DPH6: variants seen among roughly 807,000 people sequenced by gnomAD.
The protein encoded by DPH6 is diphthamine biosynthesis 6.
DPH6 carries 33 observed loss-of-function variants against 38.2 expected under a neutral mutation model. That is an observed-to-expected ratio of 0.86 (90% CI 0.65 to 1.15). The LOEUF is 1.15. Ranked by LOEUF, DPH6 falls within the 50% of genes most tolerant of loss-of-function variation. The pLI, the probability that DPH6 is intolerant of heterozygous loss-of-function variation, is 0.00. For missense variants in DPH6, 325 were observed against 320.0 expected (o/e 1.02, Z -0.12); for synonymous variants, 108 against 103.0 (o/e 1.05, Z -0.30).
chr15:35,210,862 T>C, the DPH6 span, among the ~76,000 whole-genome samples: 1 of 151,892 alleles, frequency 6.6e-6, no homozygotes, highest in Admixed American at 6.6e-5. Context: ...ATATGTGTCT[T>C]TAAAGTTGAA....
At chr15:35,269,636 C>A (rs1187159484) in intron 3 of DPH6, among the ~76,000 whole-genome samples, 1 of 150,898 alleles carries the variant, frequency 6.6e-6, no homozygotes, top group Non-Finnish European at 1.5e-5. Context: ...GACGGGGTTT[C>A]ACCATGTTAG....
rs570868398 is a variant in DPH6, at chr15:35,524,064, CTG to C, written c.312+14208_312+14209del. Among the ~76,000 whole-genome samples, 467 of 151,718 alleles carry C rather than the reference CTG, an allele frequency of 3.1e-3. 4 individuals carry two copies. Among genetic ancestry groups the C allele is most frequent in the Admixed American group, 8.5e-3 (129 of 15,234 alleles). On this transcript the variant is annotated intron_variant, in intron 3 of 8. Coordinates refer to ENST00000256538, the MANE Select transcript of DPH6 (RefSeq NM_080650.4). ...ATTACCTAAAACAGTGCTTCTCAAA[CTG>C]TGTTATAAACCACTTTTTTTTTTTA...
intron 7 of DPH6, among the ~76,000 whole-genome samples, chr15:35,376,463 C>G (rs1161545715): frequency 6.6e-6 from 1 of 152,142 alleles, no homozygotes; most frequent in Non-Finnish European, 1.5e-5. Flanking sequence ...AAATTCCTAT[C>G]ACCTAGTGAC....
At chr15:35,176,761 G>A in the DPH6 span, among the ~76,000 whole-genome samples, 3 of 152,134 alleles carry the variant, frequency 2.0e-5, no homozygotes, top group South Asian at 2.1e-4. Context: ...GTGAGCCACC[G>A]TGCCTGGCCT....
At chr15:35,296,824 G>T (rs902494399) in intron 3 of DPH6, among the ~76,000 whole-genome samples, 4 of 62,682 alleles carry the variant, frequency 6.4e-5, no homozygotes, top group Non-Finnish European at 1.1e-4. Flanking sequence ...TTGAGACGGA[G>T]TCTCGCTCTG....
chr15:35,166,352 G>A, the DPH6 span, among the ~76,000 whole-genome samples: 1 of 151,990 alleles, frequency 6.6e-6, no homozygotes, highest in South Asian at 2.1e-4. Flanking sequence ...ATCAAACCTA[G>A]CATAACAATG....
intron 3 of DPH6, among the ~76,000 whole-genome samples, chr15:35,232,535 C>T (rs376203104): frequency 2.0e-5 from 3 of 151,964 alleles, no homozygotes; most frequent in Non-Finnish European, 2.9e-5. Flanking sequence ...GAGCTGAGAC[C>T]GCACCACTGC....
chr15:35,506,619 G>A (rs973408896), intron 3 of DPH6, among the ~76,000 whole-genome samples: 1 of 152,094 alleles, frequency 6.6e-6, no homozygotes. Flanking sequence ...CAATTTACAC[G>A]CTTCTCTGCT....
At chr15:35,238,125 C>T in intron 3 of DPH6, 3 of 1,236,272 alleles carry the variant, frequency 2.4e-6, no homozygotes, top group Non-Finnish European at 3.6e-6. Context: ...CATATCCCCT[C>T]CCCCGCTCCA....
At chr15:35,191,856 C>A in the DPH6 span, among the ~76,000 whole-genome samples, 1 of 152,180 alleles carries the variant, frequency 6.6e-6, no homozygotes, top group Non-Finnish European at 1.5e-5. Flanking sequence ...CTCCCTAATT[C>A]CTTCCTACAT....
intron 3 of DPH6, among the ~76,000 whole-genome samples, chr15:35,461,291 C>T (rs2054064209): frequency 6.6e-6 from 1 of 152,118 alleles, no homozygotes; most frequent in Non-Finnish European, 1.5e-5. Flanking sequence ...ACCATGCTGG[C>T]CTCAAACTCC....
chr15:35,221,603 T>C (rs916587699), intron 3 of DPH6, among the ~76,000 whole-genome samples: 1 of 152,166 alleles, frequency 6.6e-6, no homozygotes, highest in Non-Finnish European at 1.5e-5. Context: ...AGGTCCTAGA[T>C]GGGAAAGACA....
chr15:35,355,430 T>C (rs1384043167), intron 3 of DPH6, among the ~76,000 whole-genome samples: 1 of 152,216 alleles, frequency 6.6e-6, no homozygotes, highest in Admixed American at 6.5e-5. Flanking sequence ...ATACCGCTTG[T>C]TCCTTTCCAT....
the DPH6 span, among the ~76,000 whole-genome samples, chr15:35,180,200 A>G: frequency 6.6e-6 from 1 of 152,144 alleles, no homozygotes; most frequent in African/African-American, 2.4e-5. Flanking sequence ...TACTCTGAAA[A>G]AAAGTGATTA....
At chr15:35,473,460 AT>A (rs1201713481) in intron 3 of DPH6, among the ~76,000 whole-genome samples, 1 of 151,230 alleles carries the variant, frequency 6.6e-6, no homozygotes, top group Non-Finnish European at 1.5e-5. Flanking sequence ...ATCCAGCTTC[AT>A]TCTCCTCTTC....
chr15:35,457,212 C>A (rs2054008528), intron 3 of DPH6, among the ~76,000 whole-genome samples: 1 of 152,086 alleles, frequency 6.6e-6, no homozygotes, highest in Non-Finnish European at 1.5e-5. Flanking sequence ...GCCTTGGCCT[C>A]CCAAAGTGCT....
intron 3 of DPH6, among the ~76,000 whole-genome samples, chr15:35,510,358 T>C (rs1595430532): frequency 1.3e-5 from 2 of 152,244 alleles, no homozygotes. Flanking sequence ...GGTTCTGACA[T>C]ACATCTTTAT....
chr15:35,496,567 A>AAAAGATATATATATATATAT, intron 3 of DPH6, among the ~76,000 whole-genome samples: 1 of 31,016 alleles, frequency 3.2e-5, no homozygotes, highest in Non-Finnish European at 5.3e-5. Context: ...AAAAAAAAAA[A>AAAAGATATATATATATATAT]ATATATATAT....
intron 6 of DPH6, chr15:35,400,815 CTG>C: frequency 1.3e-6 from 1 of 763,498 alleles, no homozygotes; most frequent in Non-Finnish European, 2.4e-6. Flanking sequence ...TGCTCACGGA[CTG>C]TGTGATAATG....
Sources: allele counts gnomAD v4.1 joint callset (sites outside exome capture counted in the v4.1 genomes callset), GRCh38; gene constraint gnomAD v4.1.1; transcripts MANE v1.5; gene names NCBI Gene and HGNC (gene_info 2026-07-23, HGNC 2026-07-21).